The following SCAF11 variants were observed in gnomAD, a reference collection of about 807,000 sequenced individuals.
SCAF11 encodes protein SCAF11.
In SCAF11, 47 loss-of-function variants were observed where a neutral mutation model predicts 140.5. The ratio of observed to expected loss-of-function variants is 0.33; its 90% CI spans 0.26 to 0.43. The LOEUF is 0.43. SCAF11 is among the 20% of genes least tolerant of loss of function. The pLI is 1.00. For synonymous variants in SCAF11, 557 were observed against 579.4 expected, an observed-to-expected ratio of 0.96 and a Z score of 0.55; for missense variants, 1,645 against 1,705.1, an observed-to-expected ratio of 0.96 and a Z score of 0.62.
rs763843006 is a variant in SCAF11 at position 45,922,922 on chromosome 12, A to C, written c.4125+14T>G. 6.2e-7 allele frequency: 1 copy of C among 1,611,734 alleles called. No homozygotes were observed. Among genetic ancestry groups the C allele is most frequent in the East Asian group, 2.2e-5 (1 of 44,882 alleles). On this transcript the variant is annotated intron_variant, in intron 13 of 14. Transcript: ENST00000369367. The stretch of plus-strand genomic sequence containing the variant: ...ATACAGAATTATGAAGGTTGCTCTC[A>C]ACCTTGAACTTGCCTTGTCTGTCTT...
At chr12:45,949,083 A>AC (rs1424685254) in intron 4 of SCAF11, among the ~76,000 whole-genome samples, 1 of 152,190 alleles carries the variant, frequency 6.6e-6, no homozygotes, top group African/African-American at 2.4e-5. Context: ...AAGCAAGTGA[A>AC]TGCGATGATC....
At chr12:45,958,915 G>A (rs1183752341) in intron 3 of SCAF11, among the ~76,000 whole-genome samples, 1 of 152,206 alleles carries the variant, frequency 6.6e-6, no homozygotes, top group South Asian at 2.1e-4. Context: ...ACTAGACTAC[G>A]ACACACTTTA....
chr12:45,936,971 A>G (rs1048302074), intron 6 of SCAF11, among the ~76,000 whole-genome samples: 3 of 146,848 alleles, frequency 2.0e-5, no homozygotes, highest in South Asian at 2.1e-4. Flanking sequence ...TGTAACCCCA[A>G]TCCTCTATGT....
intron 4 of SCAF11, among the ~76,000 whole-genome samples, chr12:45,950,918 G>T (rs973909205): frequency 1.3e-5 from 2 of 152,024 alleles, no homozygotes; most frequent in Non-Finnish European, 2.9e-5. Flanking sequence ...TGTTTATATT[G>T]AGTACTCTCA....
At chr12:45,945,355 CT>C in intron 5 of SCAF11, 42 bp from the exon 6 acceptor site, 1 of 1,198,164 alleles carries the variant, frequency 8.3e-7, no homozygotes, top group South Asian at 1.3e-5. Context: ...AAGAAAAAAA[CT>C]GTCATTTTGC....
intron 1 of SCAF11, among the ~76,000 whole-genome samples, chr12:45,982,731 T>C (rs1348420455): frequency 6.6e-6 from 1 of 152,072 alleles, no homozygotes; most frequent in African/African-American, 2.4e-5. Flanking sequence ...AACCTATCAT[T>C]TGTAGACTGT....
At chr12:45,970,152 C>T (rs182074098) in intron 1 of SCAF11, among the ~76,000 whole-genome samples, 131 of 152,264 alleles carry the variant, frequency 8.6e-4, no homozygotes, top group African/African-American at 3.0e-3. Flanking sequence ...CCTTGGCCTC[C>T]CAAAGTGCTG....
intron 1 of SCAF11, among the ~76,000 whole-genome samples, chr12:45,979,709 T>TCA (rs1380250860): frequency 6.6e-6 from 1 of 152,164 alleles, no homozygotes; most frequent in Non-Finnish European, 1.5e-5. Flanking sequence ...AAACACAAAC[T>TCA]CATCCTTCTA....
intron 3 of SCAF11, among the ~76,000 whole-genome samples, chr12:45,958,751 G>C (rs1945757278): frequency 6.6e-6 from 1 of 152,136 alleles, no homozygotes; most frequent in South Asian, 2.1e-4. Context: ...GAAACATTTT[G>C]CCCTAAGTAA....
intron 1 of SCAF11, among the ~76,000 whole-genome samples, chr12:45,980,959 T>C (rs1292396748): frequency 6.6e-6 from 1 of 152,200 alleles, no homozygotes; most frequent in Non-Finnish European, 1.5e-5. Context: ...CATAACCTAA[T>C]ATATCACATC....
intron 2 of SCAF11, among the ~76,000 whole-genome samples, chr12:45,963,701 A>G (rs1390122415): frequency 6.6e-6 from 1 of 152,180 alleles, no homozygotes; most frequent in East Asian, 1.9e-4. Context: ...TGGAACTATA[A>G]CCTATACATT....
At chr12:45,966,597 A>T (rs1466938164) in intron 1 of SCAF11, among the ~76,000 whole-genome samples, 1 of 152,070 alleles carries the variant, frequency 6.6e-6, no homozygotes, top group East Asian at 1.9e-4. Context: ...CTTCTGTGAT[A>T]AAGGGACATT....
At chr12:45,990,970 C>A (rs193264249), upstream of SCAF11, among the ~76,000 whole-genome samples, 4 of 152,206 alleles carry the variant, frequency 2.6e-5, no homozygotes, top group Non-Finnish European at 5.9e-5. Context: ...CAGGCTGCGT[C>A]GCGGAGGACA....
chr12:45,969,567 G>A (rs1195307169), intron 1 of SCAF11, among the ~76,000 whole-genome samples: 1 of 152,112 alleles, frequency 6.6e-6, no homozygotes, highest in Non-Finnish European at 1.5e-5. Flanking sequence ...CTGTTATCAA[G>A]ATCATTATTA....
upstream of SCAF11, chr12:45,991,913 C>T: frequency 1.6e-6 from 2 of 1,287,412 alleles, no homozygotes; most frequent in Non-Finnish European, 1.0e-6. Flanking sequence ...CAGCCGCGCG[C>T]TCACACGTTT....
rs376677169 is a variant in SCAF11 at position 45,927,654 on chromosome 12, C to T, written c.2047G>A (p.Glu683Lys). 9 of 1,611,824 alleles carry T rather than the reference C, an allele frequency of 5.6e-6. No individual in the cohort carries two copies. The African/African-American group carries it at 1.2e-4, about 22-fold the overall frequency. Residue 683 changes from glutamate to lysine, a missense_variant, in exon 11 of 15, where the codon GAA (glutamate) becomes AAA (lysine). Glu to Lys is a moderately conservative substitution (Grantham distance 56). This residue lies in a region of SCAF11 where 1,582 missense variants were observed against 1,609.2 expected (regional missense o/e 0.98). Transcript: ENST00000369367. ...LNTKLEKSLE[E>K]KNESLTEHPR... ...TGTTCGGTCAGCGATTCATTCTTTT[C>T]TTCTAAAGATTTTTCCAATTTGGTG...
chr12:45,963,160 T>C (rs1945864608), intron 2 of SCAF11, among the ~76,000 whole-genome samples: 1 of 152,122 alleles, frequency 6.6e-6, no homozygotes, highest in African/African-American at 2.4e-5. Flanking sequence ...CGGTCTAACA[T>C]ACTAATTGAA....
At chr12:45,934,581 C>T (rs780648007) in intron 6 of SCAF11, 76 bp from the exon 7 acceptor site, 140 of 908,530 alleles carry the variant, frequency 1.5e-4, no homozygotes, top group Non-Finnish European at 2.9e-5. Context: ...GCATCGATAC[C>T]AGCACATTGG....
chr12:45,939,207 T>C (rs1945239569), intron 6 of SCAF11, among the ~76,000 whole-genome samples: 1 of 151,886 alleles, frequency 6.6e-6, no homozygotes. Context: ...AACCATCTAT[T>C]AGACCTGCTG....
Sources: allele counts gnomAD v4.1 joint callset (sites outside exome capture counted in the v4.1 genomes callset), GRCh38; gene constraint gnomAD v4.1.1; regional missense constraint gnomAD v4.1.1; transcripts MANE v1.5; gene names NCBI Gene and HGNC (gene_info 2026-07-23, HGNC 2026-07-21).